The following SCP2 variants were observed in gnomAD, a reference collection of about 807,000 sequenced individuals.
SCP2 encodes SCP-2/3-oxoacyl-CoA thiolase.
Under a neutral mutation model 71.4 loss-of-function variants are expected in SCP2, and 48 were observed. The observed-to-expected ratio is 0.67, with a 90% CI of 0.53 to 0.86. The LOEUF (loss-of-function observed/expected upper bound fraction) is 0.86, where lower values mean the gene tolerates loss of function less well. SCP2 is among the 40% of genes least tolerant of loss of function. The probability of loss-of-function intolerance (pLI) is 0.00; values close to 1 mark genes in which losing one functional copy is unlikely to be tolerated. For synonymous variants in SCP2, 220 were observed against 218.1 expected (o/e 1.01, Z -0.08); for missense variants, 560 against 655.6 (o/e 0.85, Z 1.59).
intron 13 of SCP2, among the ~76,000 whole-genome samples, chr1:53,030,677 ATG>A (rs1446045991): frequency 6.6e-6 from 1 of 151,940 alleles, no homozygotes; most frequent in Non-Finnish European, 1.5e-5. Context: ...GGATCACTTG[ATG>A]TCAGGAGTTC....
intron 6 of SCP2, among the ~76,000 whole-genome samples, chr1:52,963,144 G>A (rs1656629098): frequency 1.3e-5 from 2 of 151,748 alleles, no homozygotes; most frequent in Admixed American, 1.3e-4. Context: ...TCAAATCAAA[G>A]TAGTCCCCTC....
At chr1:53,003,455 A>C (rs530456567) in intron 11 of SCP2, among the ~76,000 whole-genome samples, 1 of 152,276 alleles carries the variant, frequency 6.6e-6, no homozygotes, top group African/African-American at 2.4e-5. Flanking sequence ...CCTGGGATAA[A>C]GCAATCTGCC....
intron 11 of SCP2, among the ~76,000 whole-genome samples, chr1:52,990,382 A>C (rs1234296173): frequency 6.6e-6 from 1 of 152,192 alleles, no homozygotes; most frequent in African/African-American, 2.4e-5. Flanking sequence ...CTTACTAGAC[A>C]AAGACTTTAA....
intron 6 of SCP2, among the ~76,000 whole-genome samples, chr1:52,966,560 A>T (rs1334287953): frequency 2.0e-5 from 3 of 151,590 alleles, no homozygotes; most frequent in Non-Finnish European, 4.4e-5. Context: ...TATATATTTT[A>T]TTGTTATCAA....
intron 9 of SCP2, 91 bp downstream of exon 9, chr1:52,978,458 T>C (rs1275737549): frequency 4.0e-6 from 4 of 1,009,426 alleles, no homozygotes; most frequent in Non-Finnish European, 6.0e-6. Context: ...ATAATAACTT[T>C]TAATTAACTA....
intron 12 of SCP2, among the ~76,000 whole-genome samples, chr1:53,023,151 T>C (rs1359783350): frequency 6.6e-6 from 1 of 152,132 alleles, no homozygotes; most frequent in Non-Finnish European, 1.5e-5. Flanking sequence ...TCAGAAAACA[T>C]TGATAAAACT....
rs572008846 is a variant in SCP2 at position 53,006,030 on chromosome 1, T to C, written c.1082-8860T>C. 3.9e-5 allele frequency among the ~76,000 whole-genome samples: 6 copies of C among 152,210 alleles called. No individual in the cohort carries two copies. In the South Asian group the frequency reaches 1.2e-3, roughly 32 times the overall value. ...GATCAAGTGGAAGAAAGGGTATCAG[T>C]GATTGAAGATCAAATGAATGAAATG... On this transcript the variant is annotated intron_variant, in intron 11 of 15. Transcript: ENST00000371514.
At chr1:52,986,139 T>C (rs1194842888) in intron 10 of SCP2, among the ~76,000 whole-genome samples, 3 of 152,224 alleles carry the variant, frequency 2.0e-5, no homozygotes, top group African/African-American at 7.2e-5. Context: ...AGCGTATGCA[T>C]TTGTTTTCCT....
rs114207153 is a variant in SCP2, at chr1:53,049,433, G to A, written c.1549-1176G>A. 303 of 152,280 alleles carry A rather than the reference G, an allele frequency of 2.0e-3. 2 individuals are homozygous for A. Among genetic ancestry groups the A allele is most frequent in the African/African-American group, 6.8e-3 (284 of 41,546 alleles). The allele number at this position is 152,280 out of a possible 1,614,324, so 9.4% of individuals were successfully genotyped here. On this transcript the variant is annotated intron_variant, in intron 15 of 15. Transcript: ENST00000371514. Reference sequence around the variant, plus strand: ...TTGACTGGAAATCGTTAAATGCAGTGGAAATTCTAATTTCAGTGTTTGGCT... The same window carrying A: ...TTGACTGGAAATCGTTAAATGCAGTAGAAATTCTAATTTCAGTGTTTGGCT...
At chr1:52,927,782 G>A (rs1652611360) in intron 1 of SCP2, among the ~76,000 whole-genome samples, 1 of 152,108 alleles carries the variant, frequency 6.6e-6, no homozygotes, top group Admixed American at 6.5e-5. Context: ...AGGGAGGCAG[G>A]TCGCGAATGC....
At chr1:53,044,938 A>G (rs1486653629) in intron 14 of SCP2, among the ~76,000 whole-genome samples, 1 of 152,262 alleles carries the variant, frequency 6.6e-6, no homozygotes, top group Non-Finnish European at 1.5e-5. Flanking sequence ...ACTTGATTTT[A>G]AAAAATTAGA....
chr1:53,048,034 A>T, intron 15 of SCP2, 97 bp downstream of exon 15: 1 of 825,122 alleles, frequency 1.2e-6, no homozygotes, highest in East Asian at 2.6e-5. Context: ...AAGTGGTCAG[A>T]CTCACAAAAC....
At chr1:52,937,214 A>G (rs1013255445) in intron 1 of SCP2, among the ~76,000 whole-genome samples, 52 of 152,340 alleles carry the variant, frequency 3.4e-4, no homozygotes, top group African/African-American at 1.3e-3. Flanking sequence ...TAAGAAGGAT[A>G]TTTAGAAACA....
intron 2 of SCP2, among the ~76,000 whole-genome samples, chr1:52,944,765 T>C (rs1654614629): frequency 6.6e-6 from 1 of 151,930 alleles, no homozygotes; most frequent in African/African-American, 2.4e-5. Flanking sequence ...CTCACGCCTG[T>C]AATCCCAACA....
chr1:53,041,579 C>T (rs1303359082), intron 14 of SCP2, among the ~76,000 whole-genome samples: 21 of 152,064 alleles, frequency 1.4e-4, no homozygotes, highest in Admixed American at 1.4e-3. Context: ...GGTGAGAGAT[C>T]AGAAACAGAG....
intron 1 of SCP2, among the ~76,000 whole-genome samples, chr1:52,937,932 C>T (rs1466726948): frequency 6.6e-6 from 1 of 152,174 alleles, no homozygotes; most frequent in Non-Finnish European, 1.5e-5. Flanking sequence ...ATATTTATAC[C>T]TACTGTTAAA....
chr1:52,950,688 A>C, intron 3 of SCP2, 67 bp from the exon 4 acceptor site: 4 of 1,290,730 alleles, frequency 3.1e-6, no homozygotes. Flanking sequence ...AAAAACCCAT[A>C]ATGTAGTATT....
At chr1:53,001,792 A>G (rs1660333666) in intron 11 of SCP2, among the ~76,000 whole-genome samples, 1 of 152,198 alleles carries the variant, frequency 6.6e-6, no homozygotes, top group Non-Finnish European at 1.5e-5. Context: ...GATTGAATTA[A>G]TCTTTCCCTT....
intron 12 of SCP2, among the ~76,000 whole-genome samples, chr1:53,025,928 C>T (rs1662099516): frequency 1.3e-5 from 2 of 152,206 alleles, no homozygotes; most frequent in East Asian, 3.8e-4. Flanking sequence ...TCATGTCACT[C>T]TCCCCACACC....
Sources: allele counts gnomAD v4.1 joint callset (sites outside exome capture counted in the v4.1 genomes callset), GRCh38; gene constraint gnomAD v4.1.1; transcripts MANE v1.5; gene names NCBI Gene and HGNC (gene_info 2026-07-23, HGNC 2026-07-21).